Variants in ZNF385B observed in about 807,000 individuals in gnomAD.
ZNF385B encodes zinc finger protein 533.
Under a neutral mutation model 39.2 loss-of-function variants are expected in ZNF385B, and 23 were observed. The ratio of observed to expected loss-of-function variants is 0.59; its 90% CI spans 0.42 to 0.83. The LOEUF is 0.83. ZNF385B is among the 40% of genes least tolerant of loss of function. ZNF385B has a pLI of 0.00. For missense variants in ZNF385B, 552 were observed against 598.9 expected, an observed-to-expected ratio of 0.92 and a Z score of 0.82; for synonymous variants, 205 against 222.6, an observed-to-expected ratio of 0.92 and a Z score of 0.70.
intron 1 of ZNF385B, among the ~76,000 whole-genome samples, chr2:179,795,199 G>A (rs1265627957): frequency 5.9e-5 from 9 of 152,032 alleles, no homozygotes; most frequent in African/African-American, 1.2e-4. Flanking sequence ...AGGAGGTGCC[G>A]AAGGGATGTC....
At chr2:179,712,817 C>T (rs891758221) in intron 3 of ZNF385B, among the ~76,000 whole-genome samples, 3 of 152,194 alleles carry the variant, frequency 2.0e-5, no homozygotes, top group Admixed American at 6.5e-5. Flanking sequence ...ATTGTGTAGA[C>T]AGTCCTCAAC....
intron 5 of ZNF385B, among the ~76,000 whole-genome samples, chr2:179,484,871 C>T (rs1171603676): frequency 5.3e-5 from 8 of 152,146 alleles, no homozygotes; most frequent in Non-Finnish European, 8.8e-5. Flanking sequence ...GCAAAGAGTA[C>T]GTTTCTAGTT....
chr2:179,525,102 G>A (rs374708475), intron 4 of ZNF385B, among the ~76,000 whole-genome samples: 1 of 152,078 alleles, frequency 6.6e-6, no homozygotes, highest in East Asian at 1.9e-4. Flanking sequence ...TCATAGGTCG[G>A]CATTCAAACA....
intron 1 of ZNF385B, among the ~76,000 whole-genome samples, chr2:179,808,634 G>C (rs1328127983): frequency 6.6e-6 from 1 of 152,162 alleles, no homozygotes; most frequent in Non-Finnish European, 1.5e-5. Context: ...GTAAAACAGA[G>C]AACATTCCAA....
chr2:179,578,077 G>A (rs1686046330), intron 3 of ZNF385B, among the ~76,000 whole-genome samples: 1 of 152,068 alleles, frequency 6.6e-6, no homozygotes, highest in South Asian at 2.1e-4. Context: ...GGATGTATAT[G>A]TGTGTTTGTG....
chr2:179,578,628 T>C (rs1686123028), intron 3 of ZNF385B, among the ~76,000 whole-genome samples: 1 of 152,114 alleles, frequency 6.6e-6, no homozygotes, highest in Non-Finnish European at 1.5e-5. Context: ...GCATTATTAA[T>C]TGCCAATCAT....
chr2:179,444,468 A>AAAT (rs1214237924), intron 9 of ZNF385B, among the ~76,000 whole-genome samples: 10 of 152,226 alleles, frequency 6.6e-5, no homozygotes, highest in Admixed American at 2.0e-4. Context: ...TTCTCATGCC[A>AAAT]AATAATAATA....
intron 3 of ZNF385B, among the ~76,000 whole-genome samples, chr2:179,711,718 G>T (rs554198935): frequency 6.6e-6 from 1 of 152,188 alleles, no homozygotes; most frequent in African/African-American, 2.4e-5. Flanking sequence ...GGTAGAGGTT[G>T]CTAGGGGGAG....
At chr2:179,695,644 A>G (rs1698681389) in intron 3 of ZNF385B, among the ~76,000 whole-genome samples, 1 of 152,212 alleles carries the variant, frequency 6.6e-6, no homozygotes, top group African/African-American at 2.4e-5. Context: ...GAAAACCACA[A>G]TGAGATATCA....
chr2:179,696,324 GAC>G (rs1575260501), intron 3 of ZNF385B, among the ~76,000 whole-genome samples: 4 of 12,914 alleles, frequency 3.1e-4, no homozygotes, highest in East Asian at 2.3e-3. Flanking sequence ...TACAAACTGG[GAC>G]TTTTTTTTTT....
intron 4 of ZNF385B, among the ~76,000 whole-genome samples, 154 bp downstream of exon 4, chr2:179,544,673 T>TG (rs1430643429): frequency 6.6e-6 from 1 of 152,188 alleles, no homozygotes; most frequent in African/African-American, 2.4e-5. Context: ...CTCCCATGGG[T>TG]GAAGCATCAT....
Position 179,769,807 on chromosome 2 carries a change from A to G in ZNF385B, c.-2-5T>C. 1 of 1,593,678 alleles carries G rather than the reference A, an allele frequency of 6.3e-7. No homozygotes were observed. The highest frequency in any genetic ancestry group is 1.1e-5 in the South Asian group (1 of 88,678). ...GGCTTAAGGAGTACCTCATGCCTGA[A>G]AAACAAAACAAGTACAAGTGCTTCT... On this transcript the variant is annotated splice_region_variant and splice_polypyrimidine_tract_variant and intron_variant, in intron 2 of 9. Transcript: ENST00000410066.
intron 1 of ZNF385B, among the ~76,000 whole-genome samples, chr2:179,801,857 G>T (rs1706056540): frequency 1.3e-5 from 2 of 152,142 alleles, no homozygotes; most frequent in African/African-American, 4.8e-5. Context: ...AACAAAGGGT[G>T]GCAGAAGGAA....
At chr2:179,716,178 A>G (rs1373302918) in intron 3 of ZNF385B, among the ~76,000 whole-genome samples, 2 of 152,232 alleles carry the variant, frequency 1.3e-5, no homozygotes, top group Non-Finnish European at 1.5e-5. Context: ...TCATCTAAAG[A>G]ACTGAGCCAG....
intron 1 of ZNF385B, among the ~76,000 whole-genome samples, chr2:179,793,447 G>A (rs1705464897): frequency 1.3e-5 from 2 of 152,158 alleles, no homozygotes; most frequent in Admixed American, 1.3e-4. Context: ...CTGGTGGGAG[G>A]TGATTGGATC....
chr2:179,740,942 A>G (rs1276221276), intron 3 of ZNF385B, among the ~76,000 whole-genome samples: 2 of 152,172 alleles, frequency 1.3e-5, no homozygotes, highest in Non-Finnish European at 2.9e-5. Flanking sequence ...AGGGAAGAAA[A>G]CAGGAATTTG....
intron 5 of ZNF385B, among the ~76,000 whole-genome samples, chr2:179,514,514 T>C (rs1574543160): frequency 6.6e-6 from 1 of 152,188 alleles, no homozygotes; most frequent in South Asian, 2.1e-4. Flanking sequence ...AAAAAGAGTA[T>C]GGGAGCTCGC....
At chr2:179,481,973 A>T (rs1035584151) in intron 6 of ZNF385B, among the ~76,000 whole-genome samples, 1 of 152,212 alleles carries the variant, frequency 6.6e-6, no homozygotes, top group Admixed American at 6.6e-5. Flanking sequence ...TTCTTTACAG[A>T]GGGAGACATA....
intron 3 of ZNF385B, among the ~76,000 whole-genome samples, chr2:179,545,605 G>A (rs1181065689): frequency 6.6e-6 from 1 of 152,114 alleles, no homozygotes; most frequent in Admixed American, 6.6e-5. Flanking sequence ...AGGGTGTTGG[G>A]GGACAGGTAG....
Sources: gnomAD v4.1 joint callset for allele counts (sites outside exome capture counted in the v4.1 genomes callset) on GRCh38, gnomAD v4.1.1 for gene constraint, MANE v1.5 for transcripts, NCBI Gene and HGNC (gene_info 2026-07-23, HGNC 2026-07-21) for gene names.